Variants in CADM1 observed in about 807,000 individuals in gnomAD.
CADM1 encodes the protein TSLC-1.
In CADM1, 15 loss-of-function variants were observed where a neutral mutation model predicts 53.1. The ratio of observed to expected loss-of-function variants is 0.28; its 90% CI spans 0.19 to 0.44. The LOEUF (loss-of-function observed/expected upper bound fraction) is 0.44, where lower values mean the gene tolerates loss of function less well. CADM1 is among the 20% of genes least tolerant of loss of function. CADM1 has a pLI of 1.00. For synonymous variants in CADM1, 281 were observed against 243.0 expected, an observed-to-expected ratio of 1.16 and a Z score of -1.45; for missense variants, 434 against 611.3, an observed-to-expected ratio of 0.71 and a Z score of 3.06.
intron 10 of CADM1, among the ~76,000 whole-genome samples, chr11:115,186,890 G>A (rs557270141): frequency 1.1e-3 from 169 of 152,266 alleles, no homozygotes; most frequent in African/African-American, 3.7e-3. Context: ...GTAGGGTGTC[G>A]CGGTAGGAGA....
intron 1 of CADM1, among the ~76,000 whole-genome samples, chr11:115,383,752 A>G (rs1946634141): frequency 6.6e-6 from 1 of 152,228 alleles, no homozygotes; most frequent in Non-Finnish European, 1.5e-5. Context: ...AGAGTTTCTT[A>G]GGAATTTCTG....
chr11:115,328,726 GTATATA>G (rs1565368150), intron 1 of CADM1, among the ~76,000 whole-genome samples: 3 of 102,574 alleles, frequency 2.9e-5, no homozygotes, highest in African/African-American at 1.2e-4. Context: ...GTATATATAT[GTATATA>G]CATATATATA....
intron 1 of CADM1, among the ~76,000 whole-genome samples, chr11:115,269,313 A>G (rs1347247330): frequency 2.6e-5 from 4 of 152,152 alleles, no homozygotes; most frequent in Non-Finnish European, 4.4e-5. Context: ...GACCTGAGAG[A>G]GTCTGCTGTT....
In CADM1 at chr11:115,229,093, T is replaced by A. The variant is rs113696825; in HGVS notation, c.721+20A>T. 5.0e-6 allele frequency: 8 copies of A among 1,613,316 alleles called. No homozygotes were observed. In the African/African-American group the frequency reaches 6.7e-5, roughly 13 times the overall value. ...TAACTGCAACTCTACGCCCTCAGAATAAGATACCAGGGTACTCACACTGTA... is the reference window on the plus strand; with the variant it reads ...TAACTGCAACTCTACGCCCTCAGAAAAAGATACCAGGGTACTCACACTGTA... On this transcript the variant is annotated intron_variant, in intron 5 of 11. Coordinates refer to ENST00000331581, the MANE Select transcript of CADM1 (RefSeq NM_001301043.2).
intron 1 of CADM1, among the ~76,000 whole-genome samples, chr11:115,270,545 G>A (rs763202061): frequency 8.5e-5 from 13 of 152,136 alleles, no homozygotes; most frequent in Non-Finnish European, 1.8e-4. Flanking sequence ...ACCTTAAAAG[G>A]AAGGAAAGAG....
At chr11:115,483,705 G>A (rs1591293120) in intron 1 of CADM1, among the ~76,000 whole-genome samples, 1 of 152,128 alleles carries the variant, frequency 6.6e-6, no homozygotes, top group East Asian at 1.9e-4. Flanking sequence ...ATGAGAATTT[G>A]GCTTTTTAAA....
At chr11:115,362,505 G>A (rs1167997160) in intron 1 of CADM1, among the ~76,000 whole-genome samples, 3 of 152,208 alleles carry the variant, frequency 2.0e-5, no homozygotes, top group African/African-American at 7.2e-5. Context: ...AACAAAAATA[G>A]TTTTAATTAA....
rs1474274382 is a variant in CADM1 at position 115,175,487 on chromosome 11, T to A, written c.*987A>T. ...GGCCGATTGGGAAAGGTGGATGGAA[T>A]CATTTGGAACAGAAACAACCAGAGC... On this transcript the variant is annotated 3_prime_UTR_variant, in exon 12 of 12. Transcript: ENST00000331581. 1.0e-6 allele frequency: 1 copy of A among 985,352 alleles called. No homozygotes were observed. Among genetic ancestry groups the A allele is most frequent in the African/African-American group, 1.7e-5 (1 of 57,176 alleles). 61.0% of individuals were successfully genotyped at this position (985,352 alleles called of 1,614,324 possible). A position where few individuals can be genotyped will look rare whatever the true frequency, so the allele number is the denominator to read the frequency against.
At chr11:115,471,180 A>T (rs1463326969) in intron 1 of CADM1, among the ~76,000 whole-genome samples, 1 of 152,212 alleles carries the variant, frequency 6.6e-6, no homozygotes, top group Non-Finnish European at 1.5e-5. Flanking sequence ...CCTATTAGTG[A>T]AATTGACAGA....
At chr11:115,428,107 G>C (rs1043113198) in intron 1 of CADM1, among the ~76,000 whole-genome samples, 1 of 150,546 alleles carries the variant, frequency 6.6e-6, no homozygotes, top group East Asian at 2.0e-4. Flanking sequence ...AGGGCTATTA[G>C]ATGAACCTGT....
chr11:115,264,825 A>G (rs1282212855), intron 1 of CADM1, among the ~76,000 whole-genome samples: 1 of 152,216 alleles, frequency 6.6e-6, no homozygotes, highest in Non-Finnish European at 1.5e-5. Flanking sequence ...TATGACAATC[A>G]TGATGATTTC....
At chr11:115,334,474 T>C (rs1005649833) in intron 1 of CADM1, among the ~76,000 whole-genome samples, 2 of 151,272 alleles carry the variant, frequency 1.3e-5, no homozygotes, top group East Asian at 1.9e-4. Flanking sequence ...CATCAATTGA[T>C]GAGTACCCCA....
chr11:115,306,239 T>C (rs1356585376), intron 1 of CADM1, among the ~76,000 whole-genome samples: 1 of 151,996 alleles, frequency 6.6e-6, no homozygotes, highest in East Asian at 1.9e-4. Context: ...ACAAACACCA[T>C]TGTGTTACAA....
At chr11:115,502,487 T>C (rs1412734300) in intron 1 of CADM1, among the ~76,000 whole-genome samples, 2 of 151,994 alleles carry the variant, frequency 1.3e-5, no homozygotes, top group Non-Finnish European at 2.9e-5. Context: ...GAACATTTTA[T>C]TGAACCCATC....
intron 1 of CADM1, among the ~76,000 whole-genome samples, chr11:115,306,216 T>C (rs1293048590): frequency 2.0e-5 from 3 of 151,912 alleles, no homozygotes; most frequent in African/African-American, 4.8e-5. Context: ...TATGTTTAGA[T>C]ATGTTTAGAT....
intron 1 of CADM1, among the ~76,000 whole-genome samples, chr11:115,300,885 T>A (rs1336510809): frequency 2.0e-5 from 3 of 152,074 alleles, no homozygotes; most frequent in African/African-American, 7.2e-5. Context: ...CAATTTAAGG[T>A]TGGGCTCCAA....
At chr11:115,351,071 A>G (rs1945722709) in intron 1 of CADM1, among the ~76,000 whole-genome samples, 1 of 152,178 alleles carries the variant, frequency 6.6e-6, no homozygotes, top group Non-Finnish European at 1.5e-5. Flanking sequence ...TGTTAAAATA[A>G]TTACATCATG....
chr11:115,458,607 A>G (rs929095577), intron 1 of CADM1, among the ~76,000 whole-genome samples: 2 of 151,534 alleles, frequency 1.3e-5, no homozygotes, highest in African/African-American at 2.4e-5. Flanking sequence ...AATCCACTGG[A>G]AAGTCCTATA....
At chr11:115,273,453 C>T (rs1438919296) in intron 1 of CADM1, among the ~76,000 whole-genome samples, 1 of 152,106 alleles carries the variant, frequency 6.6e-6, no homozygotes, top group African/African-American at 2.4e-5. Context: ...TACCAGATAT[C>T]AGTTCGATAA....
Sources: allele counts gnomAD v4.1 joint callset (sites outside exome capture counted in the v4.1 genomes callset), GRCh38; gene constraint gnomAD v4.1.1; transcripts MANE v1.5; gene names NCBI Gene and HGNC (gene_info 2026-07-23, HGNC 2026-07-21).